BARX2: variants seen among roughly 807,000 people sequenced by gnomAD.
The protein encoded by BARX2 is BARX homeobox 2.
In BARX2, 11 loss-of-function variants were observed where a neutral mutation model predicts 25.5. The ratio of observed to expected loss-of-function variants is 0.43; its 90% CI spans 0.27 to 0.71. The LOEUF is 0.71. BARX2 is among the 30% of genes least tolerant of loss of function. The pLI is 0.19. For missense variants in BARX2, 360 were observed against 359.9 expected (o/e 1.00, Z 0.00); for synonymous variants, 137 against 149.5 (o/e 0.92, Z 0.61).
At chr11:129,449,738 T>C (rs1862374250) in intron 3 of BARX2, among the ~76,000 whole-genome samples, 1 of 152,186 alleles carries the variant, frequency 6.6e-6, no homozygotes, top group South Asian at 2.1e-4. Flanking sequence ...AAAGGTTTGT[T>C]GAGAAAGCCT....
intron 2 of BARX2, among the ~76,000 whole-genome samples, chr11:129,439,844 G>A (rs983799207): frequency 5.3e-5 from 8 of 152,178 alleles, no homozygotes; most frequent in Admixed American, 1.3e-4. Flanking sequence ...ATGGTAGCAC[G>A]GTGGTATGTC....
At chr11:129,397,726 C>T (rs996372874) in intron 1 of BARX2, among the ~76,000 whole-genome samples, 22 of 152,174 alleles carry the variant, frequency 1.4e-4, no homozygotes, top group African/African-American at 2.9e-4. Context: ...CAGAATCATA[C>T]GACCAATTCC....
Position 129,376,244 on chromosome 11 carries a change from T to G in BARX2, c.187+22T>G. On this transcript the variant is annotated intron_variant, in intron 1 of 3. Coordinates refer to ENST00000281437, the MANE Select transcript of BARX2 (RefSeq NM_003658.5). This position sits in a 1 kb window ranked among gnomAD's most constrained non-coding sequence, Gnocchi z 4.2. ...ACGGGTAAGACGCTCCGCTAGGGGA[T>G]AAGTGGGGTTCGGTAGCTTTCACGT... is the stretch of plus-strand genomic sequence containing the variant. 1 of 1,579,756 alleles carries G rather than the reference T, an allele frequency of 6.3e-7. No homozygotes were observed. The highest frequency in any genetic ancestry group is 1.7e-4 in the Middle Eastern group (1 of 5,948).
At chr11:129,426,344 C>G (rs562716334) in intron 1 of BARX2, among the ~76,000 whole-genome samples, 2 of 152,144 alleles carry the variant, frequency 1.3e-5, no homozygotes, top group Admixed American at 6.5e-5. Flanking sequence ...CTTACTTTAA[C>G]CACCCTGTAT....
At chr11:129,415,600 C>T (rs1861936195) in intron 1 of BARX2, among the ~76,000 whole-genome samples, 1 of 152,224 alleles carries the variant, frequency 6.6e-6, no homozygotes, top group African/African-American at 2.4e-5. Context: ...AACCATTTTC[C>T]ATATCACAGA....
At chr11:129,384,671 C>T (rs1398756903) in intron 1 of BARX2, among the ~76,000 whole-genome samples, 1 of 152,190 alleles carries the variant, frequency 6.6e-6, no homozygotes. Context: ...GAGGAAATAT[C>T]ATGGGCAAGA....
In BARX2 at chr11:129,375,880, C is replaced by A. The variant is rs1298905493; in HGVS notation, c.-156C>A. 5 of 219,976 alleles carry A rather than the reference C, an allele frequency of 2.3e-5. No homozygotes were observed. The highest frequency in any genetic ancestry group is 6.5e-5 in the Admixed American group (1 of 15,304). The allele number at this position is 219,976 out of a possible 1,614,324, so 13.6% of individuals were successfully genotyped here. A position where few individuals can be genotyped will look rare whatever the true frequency, so the allele number is the denominator to read the frequency against. ...GGTCTAGACGCGCGGCAGGCGCGCC[C>A]GCTACCCGCTCTCCTCCGCGCGCCA... On this transcript the variant is annotated 5_prime_UTR_variant, in exon 1 of 4. Transcript: ENST00000281437. The surrounding 1 kb of genome is among the most constrained non-coding windows in gnomAD (Gnocchi z 4.0).
At chr11:129,412,627 A>G (rs1051895888) in intron 1 of BARX2, among the ~76,000 whole-genome samples, 82 of 152,338 alleles carry the variant, frequency 5.4e-4, no homozygotes, top group African/African-American at 1.9e-3. Context: ...ATTTCTAGGA[A>G]GAGGGCGGTA....
At chr11:129,449,686 C>A (rs1334508582) in intron 3 of BARX2, among the ~76,000 whole-genome samples, 2 of 152,106 alleles carry the variant, frequency 1.3e-5, no homozygotes, top group Admixed American at 6.5e-5. Flanking sequence ...CATTTAGGGT[C>A]CAGTTATTTG....
Position 129,451,517 on chromosome 11 carries a change from T to C in BARX2, c.*115T>C. 4.2e-6 allele frequency: 5 copies of C among 1,196,620 alleles called. No homozygotes were observed. Among genetic ancestry groups the C allele is most frequent in the Non-Finnish European group, 5.8e-6 (5 of 869,380 alleles). 74.1% of individuals were successfully genotyped at this position (1,196,620 alleles called of 1,614,324 possible). A position where few individuals can be genotyped will look rare whatever the true frequency, so the allele number is the denominator to read the frequency against. On this transcript the variant is annotated 3_prime_UTR_variant, in exon 4 of 4. Coordinates refer to ENST00000281437, the MANE Select transcript of BARX2 (RefSeq NM_003658.5). Reference sequence around the variant, plus strand: ...CCAGTAAACTGCGGGCGAAGAGATCTACCCGTCTCCCTCCCTCCCACAGTT... The same window carrying C: ...CCAGTAAACTGCGGGCGAAGAGATCCACCCGTCTCCCTCCCTCCCACAGTT...
Position 129,451,503 on chromosome 11 carries a change from C to A in BARX2, c.*101C>A. 7.3e-7 allele frequency: 1 copy of A among 1,360,926 alleles called. No homozygotes were observed. Among genetic ancestry groups the A allele is most frequent in the Non-Finnish European group, 1.0e-6 (1 of 1,002,688 alleles). The allele number at this position is 1,360,926 out of a possible 1,614,324, so 84.3% of individuals were successfully genotyped here. On this transcript the variant is annotated 3_prime_UTR_variant, in exon 4 of 4. Transcript: ENST00000281437. Reference sequence around the variant, plus strand: ...AACCTTCCAGCAGCCCAGTAAACTGCGGGCGAAGAGATCTACCCGTCTCCC... The same window carrying A: ...AACCTTCCAGCAGCCCAGTAAACTGAGGGCGAAGAGATCTACCCGTCTCCC...
chr11:129,388,648 A>G (rs1222400288), intron 1 of BARX2, among the ~76,000 whole-genome samples: 2 of 152,248 alleles, frequency 1.3e-5, no homozygotes, highest in African/African-American at 4.8e-5. Context: ...CACTTAAAAG[A>G]ACGAGATTAT....
chr11:129,400,788 G>A (rs1861767452), intron 1 of BARX2, among the ~76,000 whole-genome samples: 1 of 152,230 alleles, frequency 6.6e-6, no homozygotes. Flanking sequence ...CAGGGCGGTG[G>A]CAGGCGTGGG....
At chr11:129,448,854 T>C (rs957314472) in intron 3 of BARX2, among the ~76,000 whole-genome samples, 1 of 152,156 alleles carries the variant, frequency 6.6e-6, no homozygotes, top group Non-Finnish European at 1.5e-5. Context: ...ATCCATAAAA[T>C]GGAATATTAT....
intron 2 of BARX2, among the ~76,000 whole-genome samples, chr11:129,441,193 T>C (rs867985844): frequency 1.3e-5 from 2 of 152,276 alleles, no homozygotes; most frequent in African/African-American, 4.8e-5. Context: ...GGATGAAGCA[T>C]CCCTGCGATC....
chr11:129,388,093 CTGTG>C (rs34835803), intron 1 of BARX2, among the ~76,000 whole-genome samples: 7 of 146,924 alleles, frequency 4.8e-5, no homozygotes, highest in Non-Finnish European at 9.0e-5. Context: ...AGGCAACATA[CTGTG>C]TGTGTGTGTG....
At chr11:129,419,270 T>C (rs1861978006) in intron 1 of BARX2, among the ~76,000 whole-genome samples, 2 of 152,126 alleles carry the variant, frequency 1.3e-5, no homozygotes, top group Admixed American at 6.5e-5. Flanking sequence ...CATATTTATT[T>C]CAGTGTTTCA....
chr11:129,419,368 A>G (rs985258006), intron 1 of BARX2, among the ~76,000 whole-genome samples: 5 of 152,336 alleles, frequency 3.3e-5, no homozygotes, highest in East Asian at 1.9e-4. Flanking sequence ...GTTTATATCA[A>G]TTGGCCTGTG....
In BARX2 at chr11:129,376,161, T is replaced by A; in HGVS notation, c.126T>A (p.Leu42=). ...SKETCDYFEK[L]SLYSVCPSLV... is the part of the protein sequence containing the mutation. ...AGACCTGCGATTACTTTGAGAAACT[T>A]TCCCTCTACTCCGTGTGCCCGTCGC... Residue 42 remains leucine (L), a synonymous_variant, in exon 1 of 4, where the codon CTT becomes CTA. Transcript: ENST00000281437. The surrounding 1 kb of genome is among the most constrained non-coding windows in gnomAD (Gnocchi z 4.2). 2 of 1,613,508 alleles carry A rather than the reference T, an allele frequency of 1.2e-6. No individual in the cohort carries two copies. The highest frequency in any genetic ancestry group is 1.7e-6 in the Non-Finnish European group (2 of 1,179,710).
Sources: allele counts gnomAD v4.1 joint callset (sites outside exome capture counted in the v4.1 genomes callset), GRCh38; gene constraint gnomAD v4.1.1; non-coding constraint Gnocchi (gnomAD v3.1); transcripts MANE v1.5; gene names NCBI Gene and HGNC (gene_info 2026-07-23, HGNC 2026-07-21).